CFAP251: variants seen among roughly 807,000 people sequenced by gnomAD.
The protein encoded by CFAP251 is cilia- and flagella-associated protein 251.
Under a neutral mutation model 126.7 loss-of-function variants are expected in CFAP251, and 93 were observed. That is an observed-to-expected ratio of 0.73 (90% CI 0.62 to 0.87). The LOEUF (loss-of-function observed/expected upper bound fraction) is 0.87. CFAP251 is among the 40% of genes least tolerant of loss of function. The pLI is 0.00. For synonymous variants in CFAP251, 503 were observed against 506.9 expected, an observed-to-expected ratio of 0.99 and a Z score of 0.10; for missense variants, 1,287 against 1,389.2, an observed-to-expected ratio of 0.93 and a Z score of 1.17.
In CFAP251 at chr12:121,957,065, C is replaced by A; in HGVS notation, c.1536-9C>A. On this transcript the variant is annotated splice_polypyrimidine_tract_variant and intron_variant, in intron 10 of 21. Coordinates refer to ENST00000288912, the MANE Select transcript of CFAP251 (RefSeq NM_144668.6). ...CTATTTGCAAAACTGATGTTATTCTCCATTTCAGCTACATTGTCACAGGTG... is the reference window on the plus strand; with the variant it reads ...CTATTTGCAAAACTGATGTTATTCTACATTTCAGCTACATTGTCACAGGTG... The A allele has an allele frequency of 6.4e-7, 1 of 1,570,684 alleles. No individual in the cohort carries two copies. The highest frequency in any genetic ancestry group is 8.6e-7 in the Non-Finnish European group (1 of 1,159,242).
intron 5 of CFAP251, 44 bp from the exon 6 acceptor site, chr12:121,942,490 A>T (rs1329253728): frequency 6.8e-7 from 1 of 1,464,518 alleles, no homozygotes; most frequent in Non-Finnish European, 9.5e-7. Context: ...CTGGGAAGCC[A>T]GGGAGACCTC....
intron 7 of CFAP251, 83 bp from the exon 8 acceptor site, chr12:121,948,901 A>G (rs76025563): frequency 0.31 from 244,998 of 802,160 alleles, 40,194 homozygotes; most frequent in East Asian, 0.48. Flanking sequence ...TGTTTTAATT[A>G]AAATTATTAT....
At chr12:121,920,841 A>G (rs1423693096) in intron 1 of CFAP251, among the ~76,000 whole-genome samples, 1 of 151,654 alleles carries the variant, frequency 6.6e-6, no homozygotes, top group Admixed American at 6.6e-5. Context: ...CAGAAATATG[A>G]CATTCTTTTT....
At chr12:121,959,298 A>G in intron 13 of CFAP251, 1 of 507,126 alleles carries the variant, frequency 2.0e-6, no homozygotes, top group South Asian at 3.4e-5. Flanking sequence ...AAAATTAGCC[A>G]GGCCTTGTGG....
At position 121,934,173 on chromosome 12, in the gene CFAP251, CG is replaced by C. The variant is rs781151399; in HGVS notation, c.889-72del. 8.4e-5 allele frequency: 98 copies of C among 1,162,818 alleles called. No homozygotes were observed. In the East Asian group the frequency reaches 2.4e-3, roughly 28 times the overall value. 72.0% of individuals were successfully genotyped at this position (1,162,818 alleles called of 1,614,324 possible). A position where few individuals can be genotyped will look rare whatever the true frequency, so the allele number is the denominator to read the frequency against. On this transcript the variant is annotated intron_variant, in intron 4 of 21. Transcript: ENST00000288912. ...GAGCTCAGATCTTTCTGTGGGTCCC[CG>C]GCCTTTGCTGATAGTGGCCAAGGCT...
At chr12:121,928,714 T>TG in intron 3 of CFAP251, among the ~76,000 whole-genome samples, 1 of 137,534 alleles carries the variant, frequency 7.3e-6, no homozygotes, top group African/African-American at 2.7e-5. Context: ...ATTTTTTTTT[T>TG]GAGACAGGGT....
In CFAP251 at chr12:121,962,081, C is replaced by G. The variant is rs151151759; in HGVS notation, c.2411C>G (p.Pro804Arg). The G allele has an allele frequency of 1.2e-6, 2 of 1,613,912 alleles. No individual in the cohort carries two copies. The highest frequency in any genetic ancestry group is 1.7e-5 in the Admixed American group (1 of 60,004). The change falls in exon 15 of 22, where the codon CCA becomes CGA. Residue 804 changes from proline (P) to arginine (R), a missense_variant. Physicochemically the swap from Pro to Arg is moderately radical, Grantham distance 103. Transcript: ENST00000288912. Reference sequence around the variant, plus strand: ...CCCACCTGCATGGTCTGGTACCCACCACTCACCAGGGAACTCTTCCTGCTT... The same window carrying G: ...CCCACCTGCATGGTCTGGTACCCACGACTCACCAGGGAACTCTTCCTGCTT... ...CYPTCMVWYP[P>R]LTRELFLLIC...
chr12:121,988,676 T>C (rs1051562333), intron 19 of CFAP251, among the ~76,000 whole-genome samples: 3 of 152,186 alleles, frequency 2.0e-5, no homozygotes, highest in African/African-American at 7.2e-5. Flanking sequence ...TTGGCTATTA[T>C]GGATAAGGCT....
At chr12:121,986,816 G>C (rs190675733) in intron 19 of CFAP251, among the ~76,000 whole-genome samples, 164 of 151,790 alleles carry the variant, frequency 1.1e-3, no homozygotes, top group Admixed American at 9.3e-3. Flanking sequence ...TAAATAAAAG[G>C]CCGTTTCATT....
In CFAP251 at chr12:121,962,159, G is replaced by A; in HGVS notation, c.2489G>A (p.Cys830Tyr). The change falls in exon 15 of 22, where the codon TGC becomes TAC. Residue 830 changes from cysteine (C) to tyrosine (Y), a missense_variant. Physicochemically the swap from Cys to Tyr is radical, Grantham distance 194. Coordinates refer to ENST00000288912, the MANE Select transcript of CFAP251 (RefSeq NM_144668.6). Reference protein sequence around the residue: ...VKLFNATTKMCRKTLLGPAYG... With the variant: ...VKLFNATTKMYRKTLLGPAYG... The stretch of plus-strand genomic sequence containing the variant: ...CTTTTTAATGCTACTACCAAAATGT[G>A]CAGGTAAGCACCCGGAGCTTCCCAT... 1.2e-6 allele frequency: 2 copies of A among 1,612,820 alleles called. No homozygotes were observed. Among genetic ancestry groups the A allele is most frequent in the Non-Finnish European group, 1.7e-6 (2 of 1,179,770 alleles).
rs758923741 is a variant in CFAP251 at position 121,949,000 on chromosome 12, A to G, written c.1208A>G (p.Asn403Ser). The G allele has an allele frequency of 1.3e-6, 2 of 1,580,096 alleles. No individual in the cohort carries two copies. The highest frequency in any genetic ancestry group is 1.4e-5 in the African/African-American group (1 of 73,422). ...ATATTTCAGAACTACGTTACTTTTAACCCAACAAATAATAAAGAATTGGTG... is the reference window on the plus strand; with the variant it reads ...ATATTTCAGAACTACGTTACTTTTAGCCCAACAAATAATAAAGAATTGGTG... ...EYGVQNYVTFNPTNNKELVSN... is the reference protein window; with the variant it reads ...EYGVQNYVTFSPTNNKELVSN... The change falls in exon 8 of 22, where the codon AAC becomes AGC. Residue 403 changes from asparagine (N) to serine (S), a missense_variant. Transcript: ENST00000288912.
intron 5 of CFAP251, among the ~76,000 whole-genome samples, chr12:121,942,326 C>G (rs1172122576): frequency 6.6e-6 from 1 of 152,112 alleles, no homozygotes; most frequent in Non-Finnish European, 1.5e-5. Flanking sequence ...TGGCTTCTTT[C>G]ACTCAGCATC....
At chr12:121,930,139 G>A (rs973076085) in intron 3 of CFAP251, among the ~76,000 whole-genome samples, 3 of 150,094 alleles carry the variant, frequency 2.0e-5, no homozygotes, top group African/African-American at 4.9e-5. Flanking sequence ...TTTTTTCCTC[G>A]TTGAATAATA....
chr12:121,971,102 G>C (rs1250330779), intron 17 of CFAP251, among the ~76,000 whole-genome samples: 1 of 152,224 alleles, frequency 6.6e-6, no homozygotes, highest in Non-Finnish European at 1.5e-5. Context: ...AGGCTCCTCT[G>C]TGTCACTTCT....
At chr12:121,939,574 A>G (rs1881030211) in intron 5 of CFAP251, among the ~76,000 whole-genome samples, 1 of 150,866 alleles carries the variant, frequency 6.6e-6, no homozygotes, top group African/African-American at 2.5e-5. Flanking sequence ...TCTACTAGAC[A>G]TGAAGCAACT....
intron 17 of CFAP251, 119 bp from the exon 18 acceptor site, chr12:121,975,125 C>A: frequency 1.3e-6 from 1 of 747,028 alleles, no homozygotes. Flanking sequence ...TGTGTAGAGA[C>A]CCTAACTGTA....
At chr12:121,978,287 A>G (rs925776348) in intron 19 of CFAP251, among the ~76,000 whole-genome samples, 1 of 148,552 alleles carries the variant, frequency 6.7e-6, no homozygotes, top group Non-Finnish European at 1.5e-5. Context: ...CCAGCTACTC[A>G]GGAGGCTGAG....
At chr12:121,935,522 C>T (rs1216090860) in intron 5 of CFAP251, among the ~76,000 whole-genome samples, 1 of 152,230 alleles carries the variant, frequency 6.6e-6, no homozygotes, top group African/African-American at 2.4e-5. Context: ...ACGGCTATGG[C>T]CGTTTCTTAG....
intron 5 of CFAP251, among the ~76,000 whole-genome samples, chr12:121,935,372 A>G (rs1038023890): frequency 3.3e-5 from 5 of 152,230 alleles, no homozygotes; most frequent in Non-Finnish European, 7.3e-5. Context: ...CCAGGTTCCC[A>G]CATTAGTTAC....
Sources: allele counts gnomAD v4.1 joint callset (sites outside exome capture counted in the v4.1 genomes callset), GRCh38; gene constraint gnomAD v4.1.1; transcripts MANE v1.5; gene names NCBI Gene and HGNC (gene_info 2026-07-23, HGNC 2026-07-21).